CSMD1: variants seen among roughly 807,000 people sequenced by gnomAD.
CSMD1 encodes the protein CUB and sushi domain-containing protein 1.
In CSMD1, 213 loss-of-function variants were observed where a neutral mutation model predicts 417.5. The observed-to-expected ratio is 0.51, with a 90% CI of 0.46 to 0.57. The LOEUF is 0.57. CSMD1 is among the 20% of genes least tolerant of loss of function. The probability of loss-of-function intolerance (pLI) is 0.00; values close to 1 mark genes in which losing one functional copy is unlikely to be tolerated. For missense variants in CSMD1, 6,923 were observed against 4,529.7 expected (o/e 1.53, Z -15.17); for synonymous variants, 2,862 against 1,736.8 (o/e 1.65, Z -16.11).
chr8:3,613,902 T>C (rs1358204724), intron 8 of CSMD1, among the ~76,000 whole-genome samples: 3 of 152,016 alleles, frequency 2.0e-5, no homozygotes, highest in South Asian at 2.1e-4. Flanking sequence ...TCTTGTAAAA[T>C]AGTTTCTTAC....
At position 2,998,188 on chromosome 8, in the gene CSMD1, T is replaced by C. The variant is rs967242441; in HGVS notation, c.8204-4A>G. ...CCAGGGTGACCACATGTGATGGCTGTAGAGAGACAGGTCAACGTCATTGTT... is the reference window on the plus strand; with the variant it reads ...CCAGGGTGACCACATGTGATGGCTGCAGAGAGACAGGTCAACGTCATTGTT... On this transcript the variant is annotated splice_polypyrimidine_tract_variant and splice_region_variant and intron_variant, in intron 53 of 69. Transcript: ENST00000635120. 4 of 1,613,508 alleles carry C rather than the reference T, an allele frequency of 2.5e-6. No individual in the cohort carries two copies. The highest frequency in any genetic ancestry group is 3.3e-5 in the Admixed American group (2 of 59,984).
At chr8:4,576,111 T>C (rs1032200240) in intron 2 of CSMD1, among the ~76,000 whole-genome samples, 2 of 152,240 alleles carry the variant, frequency 1.3e-5, no homozygotes, top group African/African-American at 4.8e-5. Context: ...ACCTCCTCTT[T>C]ATTGCTAGCC....
Position 3,848,948 on chromosome 8 carries a change from T to C in CSMD1, c.819-94906A>G, listed in dbSNP as rs114386834. Reference sequence around the variant, plus strand: ...ATATCATATATATATGATATATATATGTATATACTATTGCAAAAATATACT... The same window carrying C: ...ATATCATATATATATGATATATATACGTATATACTATTGCAAAAATATACT... On this transcript the variant is annotated intron_variant, in intron 5 of 69. Transcript: ENST00000635120. Among the ~76,000 whole-genome samples the C allele has an allele frequency of 2.6e-5, 4 of 151,096 alleles. No individual in the cohort carries two copies. The East Asian group carries it at 7.8e-4, about 29-fold the overall frequency.
intron 1 of CSMD1, among the ~76,000 whole-genome samples, chr8:4,857,228 G>A (rs1026440177): frequency 4.0e-5 from 6 of 148,714 alleles, no homozygotes; most frequent in African/African-American, 1.5e-4. Flanking sequence ...CGAGAACAAA[G>A]ACACAACATA....
In CSMD1 at chr8:4,701,283, C is replaced by G. The variant is rs527718099; in HGVS notation, c.86-63725G>C. Among the ~76,000 whole-genome samples the G allele has an allele frequency of 6.0e-5, 9 of 150,800 alleles. No individual in the cohort carries two copies. In the South Asian group the frequency reaches 1.9e-3, roughly 32 times the overall value. The stretch of plus-strand genomic sequence containing the variant: ...GCAAATACCAATGATAAGTCAACTT[C>G]GAAGGCTGCTTTTGAGCCATCCTTC... On this transcript the variant is annotated intron_variant, in intron 1 of 69. Coordinates refer to ENST00000635120, the MANE Select transcript of CSMD1 (RefSeq NM_033225.6).
intron 3 of CSMD1, among the ~76,000 whole-genome samples, chr8:4,153,082 T>C (rs1796655045): frequency 6.6e-6 from 1 of 152,200 alleles, no homozygotes. Context: ...TATGATTCTT[T>C]TTCAGATGTG....
chr8:4,658,535 G>A (rs1031650510), intron 1 of CSMD1, among the ~76,000 whole-genome samples: 3 of 152,066 alleles, frequency 2.0e-5, no homozygotes, highest in Non-Finnish European at 2.9e-5. Flanking sequence ...CTATGCTTCA[G>A]AAATCAGACA....
At chr8:3,753,803 C>A (rs1449007595) in intron 6 of CSMD1, 127 bp downstream of exon 6, 33 of 593,362 alleles carry the variant, frequency 5.6e-5, no homozygotes, top group Non-Finnish European at 9.6e-5. Flanking sequence ...CCAAAGATAA[C>A]TGTGAATAAA....
intron 1 of CSMD1, among the ~76,000 whole-genome samples, chr8:4,901,744 G>C (rs911178610): frequency 1.3e-5 from 2 of 152,172 alleles, no homozygotes; most frequent in East Asian, 1.9e-4. Context: ...TATTAGCATA[G>C]AGGACGGTAA....
intron 1 of CSMD1, among the ~76,000 whole-genome samples, chr8:4,913,568 G>C (rs1287211326): frequency 6.6e-6 from 1 of 152,188 alleles, no homozygotes; most frequent in Admixed American, 6.5e-5. Flanking sequence ...ACCAACATAT[G>C]CGTCCACAGC....
intron 25 of CSMD1, among the ~76,000 whole-genome samples, chr8:3,300,943 AGT>A (rs1804346000): frequency 1.7e-5 from 2 of 118,942 alleles, no homozygotes; most frequent in Non-Finnish European, 3.3e-5. Flanking sequence ...TGGACAACAG[AGT>A]GAGACTCTGT....
chr8:4,274,611 A>G (rs1796370655), intron 3 of CSMD1, among the ~76,000 whole-genome samples: 2 of 152,126 alleles, frequency 1.3e-5, no homozygotes, highest in Non-Finnish European at 2.9e-5. Flanking sequence ...TAATCTATGA[A>G]ATTTCTATTA....
intron 5 of CSMD1, among the ~76,000 whole-genome samples, chr8:3,951,095 C>T (rs545525364): frequency 6.6e-6 from 1 of 152,154 alleles, no homozygotes; most frequent in South Asian, 2.1e-4. Flanking sequence ...ATACATTAAT[C>T]TGAAAGAATA....
At chr8:3,198,514 T>C (rs1209741063) in intron 33 of CSMD1, among the ~76,000 whole-genome samples, 1 of 152,222 alleles carries the variant, frequency 6.6e-6, no homozygotes, top group East Asian at 1.9e-4. Flanking sequence ...TATAACAATG[T>C]AACACCTTTT....
At chr8:4,479,745 T>C (rs1051188828) in intron 2 of CSMD1, among the ~76,000 whole-genome samples, 2 of 151,758 alleles carry the variant, frequency 1.3e-5, no homozygotes, top group African/African-American at 4.8e-5. Context: ...AATACAAAAA[T>C]TAGCTTCCTT....
chr8:3,384,416 TACAG>T (rs1305094584), intron 18 of CSMD1, among the ~76,000 whole-genome samples: 38 of 151,832 alleles, frequency 2.5e-4, no homozygotes, highest in Middle Eastern at 6.8e-3. Flanking sequence ...TAAGTTTCTG[TACAG>T]ACAAAGATCT....
intron 3 of CSMD1, among the ~76,000 whole-genome samples, chr8:4,168,873 A>G (rs1392007393): frequency 6.6e-6 from 1 of 152,032 alleles, no homozygotes. Flanking sequence ...AGACACGGTG[A>G]CTGATGATAT....
At chr8:3,232,682 G>C (rs776125392) in intron 26 of CSMD1, among the ~76,000 whole-genome samples, 1 of 152,114 alleles carries the variant, frequency 6.6e-6, no homozygotes, top group East Asian at 1.9e-4. Flanking sequence ...TAATTGGATA[G>C]TTTAGTCTCC....
At chr8:4,621,901 G>A (rs1486429632) in intron 2 of CSMD1, among the ~76,000 whole-genome samples, 1 of 151,756 alleles carries the variant, frequency 6.6e-6, no homozygotes, top group South Asian at 2.1e-4. Flanking sequence ...CAATGTAATT[G>A]AACATATAAA....
Sources: allele counts gnomAD v4.1 joint callset (sites outside exome capture counted in the v4.1 genomes callset), GRCh38; gene constraint gnomAD v4.1.1; transcripts MANE v1.5; gene names NCBI Gene and HGNC (gene_info 2026-07-23, HGNC 2026-07-21).